The following MYT1 variants were observed in gnomAD, a reference collection of about 807,000 sequenced individuals.
MYT1 encodes the protein myelin transcription factor 1.
Under a neutral mutation model 123.0 loss-of-function variants are expected in MYT1, and 23 were observed. The observed-to-expected ratio is 0.19, with a 90% confidence interval of 0.13 to 0.26. MYT1 has a LOEUF of 0.26. Among genes scored for constraint, MYT1 ranks in the 10% least tolerant of loss-of-function variants. The pLI is 1.00. For synonymous variants in MYT1, 518 were observed against 575.3 expected, an observed-to-expected ratio of 0.90 and a Z score of 1.43; for missense variants, 1,125 against 1,472.5, an observed-to-expected ratio of 0.76 and a Z score of 3.86.
At chr20:64,234,743 G>T (rs1984449019) in intron 19 of MYT1, among the ~76,000 whole-genome samples, 1 of 148,158 alleles carries the variant, frequency 6.7e-6, no homozygotes, top group Non-Finnish European at 1.5e-5. Context: ...GCTGGCCGTG[G>T]TATGTGACCC....
rs1395639296 is a variant in MYT1 at position 64,205,601 on chromosome 20, G to A, written c.198G>A (p.Glu66=). ...LAKKRKLEGA[E]AEHLVSKRKS... Reference sequence around the variant, plus strand: ...AGAAGAGGAAGCTGGAGGGCGCTGAGGCTGAGCACCTGGTGTCCAAGAGGA... The same window carrying A: ...AGAAGAGGAAGCTGGAGGGCGCTGAAGCTGAGCACCTGGTGTCCAAGAGGA... Residue 66 remains glutamate (E), a synonymous_variant, in exon 6 of 23, where the codon GAG becomes GAA. Transcript: ENST00000328439. The A allele has an allele frequency of 3.1e-6, 5 of 1,614,082 alleles. No individual in the cohort carries two copies. Among genetic ancestry groups the A allele is most frequent in the African/African-American group, 1.3e-5 (1 of 74,950 alleles).
At chr20:64,211,415 G>T in intron 8 of MYT1, 75 bp downstream of exon 8, 2 of 1,496,406 alleles carry the variant, frequency 1.3e-6, no homozygotes, top group Non-Finnish European at 1.8e-6. Context: ...TGGTGTCTAT[G>T]GGGAGGCGTG....
chr20:64,206,969 C>T (rs1415140427), intron 6 of MYT1, among the ~76,000 whole-genome samples: 2 of 152,130 alleles, frequency 1.3e-5, no homozygotes, highest in African/African-American at 4.8e-5. Context: ...TGCAGGGGCA[C>T]GATCTTGATT....
At chr20:64,214,240 C>T (rs72490104) in intron 10 of MYT1, among the ~76,000 whole-genome samples, 16,155 of 152,154 alleles carry the variant, frequency 0.11, 986 homozygotes, top group Non-Finnish European at 0.14. Context: ...CATGTTCACA[C>T]GCCTGTTTGT....
At position 64,236,031 on chromosome 20, in the gene MYT1, G is replaced by A. The variant is rs374688807; in HGVS notation, c.2898-524G>A. ...TGGGTGACCCTGGGCTGGCCGCGGT[G>A]GGTGACCCTGGGATGGTCGCGGTGG... On this transcript the variant is annotated intron_variant, in intron 19 of 22. Transcript: ENST00000328439. Among the ~76,000 whole-genome samples the A allele has an allele frequency of 6.2e-5, 7 of 113,476 alleles. 1 individual carries two copies. Among genetic ancestry groups the A allele is most frequent in the Admixed American group, 5.5e-4 (7 of 12,614 alleles). 74.4% of individuals were successfully genotyped at this position (113,476 alleles called of 152,430 possible).
intron 19 of MYT1, among the ~76,000 whole-genome samples, chr20:64,234,854 C>CTGGCCGTGGTGGGTGACCCTGGGA (rs1356694606): frequency 8.9e-5 from 12 of 135,388 alleles, no homozygotes; most frequent in Admixed American, 1.5e-4. Flanking sequence ...TGACCCTGGG[C>CTGGCCGTGGTGGGTGACCCTGGGA]TGGCCGTGGT....
rs1280671511 is a variant in MYT1, at chr20:64,212,399, G to A, written c.1517+261G>A. Among the ~76,000 whole-genome samples, 1 of 152,192 alleles carries A rather than the reference G, an allele frequency of 6.6e-6. No individual in the cohort carries two copies. ...CCCTTCTCCCAGCCTGCCGCCCTGA[G>A]GAGTGGGTACAAGGTCAGGGCACAC... On this transcript the variant is annotated intron_variant, in intron 9 of 22. Transcript: ENST00000328439. This position sits in a 1 kb window ranked among gnomAD's most constrained non-coding sequence, Gnocchi z 6.8.
intron 19 of MYT1, among the ~76,000 whole-genome samples, chr20:64,236,293 G>C (rs1278041194): frequency 6.8e-6 from 1 of 146,286 alleles, no homozygotes; most frequent in Admixed American, 6.8e-5. Context: ...GCTGGCCGCG[G>C]TGGGTGACCC....
At chr20:64,221,190 T>C (rs186963993) in intron 13 of MYT1, among the ~76,000 whole-genome samples, 2 of 152,300 alleles carry the variant, frequency 1.3e-5, no homozygotes, top group African/African-American at 4.8e-5. Context: ...CTGAGCCACT[T>C]GCCTGGGACA....
At chr20:64,227,778 T>G in intron 17 of MYT1, 110 bp from the exon 18 acceptor site, 1 of 472,066 alleles carries the variant, frequency 2.1e-6, no homozygotes, top group Non-Finnish European at 4.1e-6. Flanking sequence ...CCTCACTCCC[T>G]CCCACCCCAC....
In MYT1 at chr20:64,186,376, C is replaced by T. The variant is rs745468371; in HGVS notation, c.-98-3687C>T. Among the ~76,000 whole-genome samples the T allele has an allele frequency of 5.3e-5, 8 of 152,168 alleles. 1 individual carries two copies. The South Asian group carries it at 8.3e-4, about 16-fold the overall frequency. On this transcript the variant is annotated intron_variant, in intron 1 of 22. Transcript: ENST00000328439. The surrounding 1 kb of genome is among the most constrained non-coding windows in gnomAD (Gnocchi z 4.3). ...ATGTTCCGTTTCCCATTCGCATCCA[C>T]GAGCAGGGATTCAGATTAACTCACT...
rs892799934 is a variant in MYT1, at chr20:64,193,225, G to C, written c.-1+3065G>C. On this transcript the variant is annotated intron_variant, in intron 2 of 22. Coordinates refer to ENST00000328439, the MANE Select transcript of MYT1 (RefSeq NM_004535.3). The surrounding 1 kb of genome is among the most constrained non-coding windows in gnomAD (Gnocchi z 4.0). The stretch of plus-strand genomic sequence containing the variant: ...GGCTGCCAGTGGGGATCAGGGGTGA[G>C]GGCATATGGTTTAGCCTCAGAGATC... Among the ~76,000 whole-genome samples, 1 of 152,150 alleles carries C rather than the reference G, an allele frequency of 6.6e-6. No homozygotes were observed. Among genetic ancestry groups the C allele is most frequent in the Non-Finnish European group, 1.5e-5 (1 of 68,028 alleles).
At position 64,167,617 on chromosome 20, in the gene MYT1, A is replaced by G. The variant is rs978612308; in HGVS notation, c.-99+2878A>G. Among the ~76,000 whole-genome samples, 13 of 152,176 alleles carry G rather than the reference A, an allele frequency of 8.5e-5. No individual in the cohort carries two copies. Among genetic ancestry groups the G allele is most frequent in the Admixed American group, 5.9e-4 (9 of 15,286 alleles). ...AAGAGTGGATGCTCTGCCTGTCCCAATGCTGGAAGACACATCTCAGAGCCC... is the reference window on the plus strand; with the variant it reads ...AAGAGTGGATGCTCTGCCTGTCCCAGTGCTGGAAGACACATCTCAGAGCCC... On this transcript the variant is annotated intron_variant, in intron 1 of 22. Transcript: ENST00000328439. The surrounding 1 kb of genome is among the most constrained non-coding windows in gnomAD (Gnocchi z 6.3).
intron 1 of MYT1, among the ~76,000 whole-genome samples, chr20:64,184,125 T>G (rs1019671426): frequency 3.9e-5 from 6 of 152,156 alleles, no homozygotes; most frequent in African/African-American, 7.2e-5. Context: ...CGGCCGACAG[T>G]GTTATTTTAA....
At position 64,232,126 on chromosome 20, in the gene MYT1, C is replaced by G. The variant is rs779147805; in HGVS notation, c.2676-38C>G. ...AGTCTCCAGGCTTCTCCTCCCAACC[C>G]TTCGCCCCTGTACTCACCCCGGCCT... On this transcript the variant is annotated intron_variant, in intron 18 of 22. Transcript: ENST00000328439. The surrounding 1 kb of genome is among the most constrained non-coding windows in gnomAD (Gnocchi z 6.9). The G allele has an allele frequency of 6.2e-7, 1 of 1,602,230 alleles. No individual in the cohort carries two copies. The highest frequency in any genetic ancestry group is 8.5e-7 in the Non-Finnish European group (1 of 1,172,016).
At chr20:64,182,032 C>A (rs185258084) in intron 1 of MYT1, among the ~76,000 whole-genome samples, 1 of 152,258 alleles carries the variant, frequency 6.6e-6, no homozygotes, top group East Asian at 1.9e-4. Flanking sequence ...TTCGTGTGGG[C>A]CTTAAATTGT....
At chr20:64,238,482 T>C (rs1366030722) in intron 21 of MYT1, among the ~76,000 whole-genome samples, 1 of 152,268 alleles carries the variant, frequency 6.6e-6, no homozygotes, top group African/African-American at 2.4e-5. Flanking sequence ...CAGGCTCACG[T>C]TGACCGCTTG....
At position 64,168,098 on chromosome 20, in the gene MYT1, C is replaced by T. The variant is rs756457714; in HGVS notation, c.-99+3359C>T. 6.6e-6 allele frequency among the ~76,000 whole-genome samples: 1 copy of T among 152,202 alleles called. No individual in the cohort carries two copies. Among genetic ancestry groups the T allele is most frequent in the Non-Finnish European group, 1.5e-5 (1 of 68,036 alleles). ...TGTGCTTTCACGGCCTCTTGAGGTT[C>T]CCGGCATTTTTCTGTCTTTCAGACC... is the stretch of plus-strand genomic sequence containing the variant. On this transcript the variant is annotated intron_variant, in intron 1 of 22. Coordinates refer to ENST00000328439, the MANE Select transcript of MYT1 (RefSeq NM_004535.3). This position sits in a 1 kb window ranked among gnomAD's most constrained non-coding sequence, Gnocchi z 6.1.
chr20:64,233,717 C>G (rs1984415350), intron 19 of MYT1, among the ~76,000 whole-genome samples: 1 of 151,632 alleles, frequency 6.6e-6, no homozygotes, highest in South Asian at 2.1e-4. Flanking sequence ...GTGTGCTGGG[C>G]AAAAAAGAAG....
Sources: allele counts gnomAD v4.1 joint callset (sites outside exome capture counted in the v4.1 genomes callset), GRCh38; gene constraint gnomAD v4.1.1; non-coding constraint Gnocchi (gnomAD v3.1); transcripts MANE v1.5; gene names NCBI Gene and HGNC (gene_info 2026-07-23, HGNC 2026-07-21).